Variants in TAFA1 observed in about 807,000 individuals in gnomAD.
The protein encoded by TAFA1 is chemokine-like protein TAFA-1.
A neutral mutation model predicts 18.5 loss-of-function variants in TAFA1; 4 were observed. The observed-to-expected ratio is 0.22, with a 90% CI of 0.11 to 0.49. The LOEUF is 0.49. Ranked by LOEUF, TAFA1 falls within the 20% of genes least tolerant of loss-of-function variation. TAFA1 has a pLI of 0.98. For missense variants in TAFA1, 147 were observed against 169.0 expected, an observed-to-expected ratio of 0.87 and a Z score of 0.72; for synonymous variants, 56 against 55.2, an observed-to-expected ratio of 1.01 and a Z score of -0.06.
At chr3:68,537,171 GA>G (rs1255127703) in intron 3 of TAFA1, among the ~76,000 whole-genome samples, 2 of 151,930 alleles carry the variant, frequency 1.3e-5, no homozygotes, top group African/African-American at 4.8e-5. Context: ...CTAAGAGCAC[GA>G]AAGTTCCTGA....
intron 2 of TAFA1, among the ~76,000 whole-genome samples, chr3:68,026,956 T>C (rs535568571): frequency 1.3e-5 from 2 of 152,130 alleles, no homozygotes; most frequent in South Asian, 2.1e-4. Context: ...CTTCCAATCA[T>C]GGCAGAAGGC....
intron 3 of TAFA1, among the ~76,000 whole-genome samples, chr3:68,427,804 G>A (rs572257954): frequency 1.3e-5 from 2 of 151,850 alleles, no homozygotes; most frequent in Non-Finnish European, 2.9e-5. Context: ...GAATAATGGG[G>A]GCAGGTTTTC....
chr3:68,534,578 C>T (rs1346739560), intron 3 of TAFA1, among the ~76,000 whole-genome samples: 1 of 152,084 alleles, frequency 6.6e-6, no homozygotes, highest in Non-Finnish European at 1.5e-5. Context: ...AATCATCCAA[C>T]TCTATTTAGA....
intron 3 of TAFA1, among the ~76,000 whole-genome samples, chr3:68,516,446 C>G (rs562833193): frequency 6.6e-6 from 1 of 152,204 alleles, no homozygotes; most frequent in African/African-American, 2.4e-5. Context: ...AATGTGAATG[C>G]CAACTGAAAA....
At chr3:68,184,978 T>G (rs1171684418) in intron 2 of TAFA1, among the ~76,000 whole-genome samples, 1 of 152,158 alleles carries the variant, frequency 6.6e-6, no homozygotes, top group Non-Finnish European at 1.5e-5. Flanking sequence ...TTTGAAATGC[T>G]GTTTTTCTTC....
chr3:68,305,188 A>C (rs1341544814), intron 2 of TAFA1, among the ~76,000 whole-genome samples: 1 of 150,970 alleles, frequency 6.6e-6, no homozygotes, highest in African/African-American at 2.4e-5. Context: ...GCATAACTCT[A>C]GTTTCTCACT....
intron 2 of TAFA1, among the ~76,000 whole-genome samples, chr3:68,233,121 T>C (rs531814237): frequency 1.3e-5 from 2 of 152,340 alleles, no homozygotes; most frequent in East Asian, 3.9e-4. Flanking sequence ...TGAGCATTTT[T>C]TCATTTATTT....
chr3:68,488,236 T>C (rs1164091993), intron 3 of TAFA1, among the ~76,000 whole-genome samples: 7 of 152,104 alleles, frequency 4.6e-5, no homozygotes, highest in South Asian at 2.1e-4. Context: ...GCTGAAGAAC[T>C]TGGAGTCCGA....
At chr3:68,041,100 A>T (rs1231658994) in intron 2 of TAFA1, among the ~76,000 whole-genome samples, 1 of 152,236 alleles carries the variant, frequency 6.6e-6, no homozygotes, top group African/African-American at 2.4e-5. Context: ...TGCAATTAAT[A>T]TGGCTAATAA....
chr3:68,197,635 C>G (rs1012717053), intron 2 of TAFA1, among the ~76,000 whole-genome samples: 1 of 151,200 alleles, frequency 6.6e-6, no homozygotes, highest in Admixed American at 6.6e-5. Context: ...AGGGACTACT[C>G]AAAATTCTCT....
rs1177687775 is a variant in TAFA1, at chr3:68,069,707, C to T, written c.118+62963C>T. Among the ~76,000 whole-genome samples, 5 of 152,178 alleles carry T rather than the reference C, an allele frequency of 3.3e-5. No homozygotes were observed. The South Asian group carries it at 8.3e-4, about 25-fold the overall frequency. On this transcript the variant is annotated intron_variant, in intron 2 of 4. Transcript: ENST00000478136. The stretch of plus-strand genomic sequence containing the variant: ...AAAATCAAAAGCAAGTTAGTTACTT[C>T]CTAGATACAATGAGGTTGTAGGCAT...
At chr3:68,538,626 A>T (rs2073315005) in intron 3 of TAFA1, 130 bp from the exon 4 acceptor site, 2 of 768,206 alleles carry the variant, frequency 2.6e-6, no homozygotes, top group Non-Finnish European at 4.2e-6. Context: ...GAGCTTTCTT[A>T]GCTAGTCATG....
At chr3:68,406,922 A>G (rs1183198298) in intron 2 of TAFA1, among the ~76,000 whole-genome samples, 1 of 152,224 alleles carries the variant, frequency 6.6e-6, no homozygotes, top group Admixed American at 6.5e-5. Flanking sequence ...CCAGTTGCTA[A>G]AAGTTATTTC....
At chr3:68,133,472 C>T (rs563806549) in intron 2 of TAFA1, among the ~76,000 whole-genome samples, 1 of 152,186 alleles carries the variant, frequency 6.6e-6, no homozygotes, top group South Asian at 2.1e-4. Context: ...TGGCCATTTT[C>T]ACAATATTTA....
chr3:68,309,202 T>C (rs2106671767), intron 2 of TAFA1, among the ~76,000 whole-genome samples: 1 of 152,296 alleles, frequency 6.6e-6, no homozygotes, highest in Non-Finnish European at 1.5e-5. Flanking sequence ...TACCACTGGA[T>C]CCTTAGTCTA....
At chr3:68,501,291 A>C (rs2072654730) in intron 3 of TAFA1, among the ~76,000 whole-genome samples, 1 of 152,150 alleles carries the variant, frequency 6.6e-6, no homozygotes, top group Non-Finnish European at 1.5e-5. Flanking sequence ...TTACTGTATA[A>C]AATGAATACT....
intron 2 of TAFA1, among the ~76,000 whole-genome samples, chr3:68,073,106 C>A (rs1163072010): frequency 1.3e-5 from 2 of 152,126 alleles, no homozygotes; most frequent in Non-Finnish European, 2.9e-5. Flanking sequence ...GACAGGCTAT[C>A]CTTATTCTTG....
chr3:68,184,596 G>A (rs2066247361), intron 2 of TAFA1, among the ~76,000 whole-genome samples: 1 of 152,056 alleles, frequency 6.6e-6, no homozygotes, highest in African/African-American at 2.4e-5. Flanking sequence ...TATCCCTAAA[G>A]CAGGACTATT....
At position 68,380,454 on chromosome 3, in the gene TAFA1, G is replaced by A. The variant is rs568472306; in HGVS notation, c.119-36826G>A. 2.7e-4 allele frequency among the ~76,000 whole-genome samples: 41 copies of A among 152,140 alleles called. 1 individual carries two copies. In the South Asian group the frequency reaches 3.1e-3, roughly 12 times the overall value. On this transcript the variant is annotated intron_variant, in intron 2 of 4. Coordinates refer to ENST00000478136, the MANE Select transcript of TAFA1 (RefSeq NM_213609.4). The stretch of plus-strand genomic sequence containing the variant: ...GTTGTTTCCTGACTTTTTAATGATC[G>A]CCATTCTAACTGGTGTGTGATGGTA...
Sources: gnomAD v4.1 joint callset for allele counts (sites outside exome capture counted in the v4.1 genomes callset) on GRCh38, gnomAD v4.1.1 for gene constraint, MANE v1.5 for transcripts, NCBI Gene and HGNC (gene_info 2026-07-23, HGNC 2026-07-21) for gene names.